The following PAM variants were observed in gnomAD, a reference collection of about 807,000 sequenced individuals.
PAM encodes the protein peptidyl-glycine alpha-amidating monooxygenase.
A neutral mutation model predicts 122.1 loss-of-function variants in PAM; 72 were observed. That is an observed-to-expected ratio of 0.59 (90% CI 0.49 to 0.72). The LOEUF is 0.72. PAM is among the 30% of genes least tolerant of loss of function. The probability of loss-of-function intolerance (pLI) is 0.00; values close to 1 mark genes in which losing one functional copy is unlikely to be tolerated. For synonymous variants in PAM, 389 were observed against 404.4 expected (o/e 0.96, Z 0.46); for missense variants, 1,106 against 1,183.7 (o/e 0.93, Z 0.96).
chr5:102,888,635 A>G (rs554927580), intron 3 of PAM, among the ~76,000 whole-genome samples: 1 of 151,604 alleles, frequency 6.6e-6, no homozygotes, highest in Non-Finnish European at 1.5e-5. Flanking sequence ...ACTTACTCCC[A>G]TCTCAGGGTT....
intron 1 of PAM, among the ~76,000 whole-genome samples, chr5:102,857,350 C>G (rs1442483332): frequency 2.0e-5 from 3 of 152,098 alleles, no homozygotes; most frequent in Non-Finnish European, 4.4e-5. Flanking sequence ...ATTTTTATGG[C>G]TCTTCAAGAG....
intron 14 of PAM, among the ~76,000 whole-genome samples, chr5:102,966,235 AC>A (rs1764047893): frequency 6.6e-6 from 1 of 151,880 alleles, no homozygotes; most frequent in African/African-American, 2.4e-5. Context: ...AATTCTAAAT[AC>A]CCCCCAAGGC....
At chr5:103,024,994 T>C (rs557375858) in intron 23 of PAM, 137 bp from the exon 24 acceptor site, 68 of 615,242 alleles carry the variant, frequency 1.1e-4, no homozygotes, top group Non-Finnish European at 1.8e-4. Flanking sequence ...GATTCAGGTA[T>C]TAAAACATGA....
chr5:102,899,639 CA>C (rs1285697089), intron 3 of PAM, among the ~76,000 whole-genome samples: 3 of 151,650 alleles, frequency 2.0e-5, no homozygotes, highest in Non-Finnish European at 4.4e-5. Context: ...GTATAATGCA[CA>C]GAGTGCATAT....
chr5:102,968,409 A>G (rs1248876416), intron 14 of PAM, among the ~76,000 whole-genome samples: 1 of 152,164 alleles, frequency 6.6e-6, no homozygotes, highest in African/African-American at 2.4e-5. Context: ...TTGTTTCCTC[A>G]TATAAAATAA....
intron 3 of PAM, chr5:102,896,022 C>G (rs544654305): frequency 6.6e-6 from 1 of 151,832 alleles, no homozygotes; most frequent in South Asian, 2.1e-4. Context: ...CTTCATGTAA[C>G]TCCCGAGTCC....
At chr5:102,989,212 A>G (rs1773205370) in intron 15 of PAM, among the ~76,000 whole-genome samples, 1 of 152,174 alleles carries the variant, frequency 6.6e-6, no homozygotes, top group African/African-American at 2.4e-5. Context: ...AAAGGGATTA[A>G]CACAAGTGAG....
At chr5:102,770,131 T>TA (rs1466029424) in intron 1 of PAM, among the ~76,000 whole-genome samples, 1 of 152,114 alleles carries the variant, frequency 6.6e-6, no homozygotes, top group East Asian at 1.9e-4. Context: ...AATAGGATTT[T>TA]AAAAAATTTC....
intron 1 of PAM, among the ~76,000 whole-genome samples, chr5:102,797,410 C>T (rs1372302113): frequency 5.9e-5 from 9 of 152,098 alleles, no homozygotes; most frequent in Non-Finnish European, 1.3e-4. Context: ...AGAATATAAC[C>T]TCACCCTTTT....
chr5:102,931,109 G>A (rs1751353063), intron 7 of PAM, among the ~76,000 whole-genome samples: 1 of 152,184 alleles, frequency 6.6e-6, no homozygotes, highest in Non-Finnish European at 1.5e-5. Flanking sequence ...GTCAATAAAT[G>A]TTAGCTATTA....
intron 7 of PAM, among the ~76,000 whole-genome samples, chr5:102,931,104 T>C (rs1424223947): frequency 6.6e-6 from 1 of 152,174 alleles, no homozygotes; most frequent in African/African-American, 2.4e-5. Flanking sequence ...AAGTAGTCAA[T>C]AAATGTTAGC....
chr5:102,923,272 A>G (rs1051350566), intron 5 of PAM, among the ~76,000 whole-genome samples: 2 of 152,174 alleles, frequency 1.3e-5, no homozygotes, highest in African/African-American at 2.4e-5. Flanking sequence ...GTCTGAAGCA[A>G]CTTCTTACCA....
At chr5:102,986,131 A>C (rs1771740189) in intron 15 of PAM, among the ~76,000 whole-genome samples, 1 of 152,172 alleles carries the variant, frequency 6.6e-6, no homozygotes, top group South Asian at 2.1e-4. Context: ...TGACATACTG[A>C]ATGGAGAAAA....
At chr5:102,799,920 C>T (rs1297081613) in intron 1 of PAM, among the ~76,000 whole-genome samples, 1 of 152,170 alleles carries the variant, frequency 6.6e-6, no homozygotes, top group Non-Finnish European at 1.5e-5. Context: ...ATTGGTTATC[C>T]ACAACAATGT....
At chr5:102,761,362 G>A (rs1752313518) in intron 1 of PAM, among the ~76,000 whole-genome samples, 1 of 152,164 alleles carries the variant, frequency 6.6e-6, no homozygotes, top group African/African-American at 2.4e-5. Context: ...ACAAGTACTG[G>A]GAAGCAAATG....
At chr5:102,960,857 A>G (rs1275235632) in intron 13 of PAM, among the ~76,000 whole-genome samples, 1 of 150,778 alleles carries the variant, frequency 6.6e-6, no homozygotes. Context: ...AATTTAATTT[A>G]AGAAAACAAA....
At chr5:102,983,172 A>G (rs956716293) in intron 15 of PAM, among the ~76,000 whole-genome samples, 47 of 152,072 alleles carry the variant, frequency 3.1e-4, no homozygotes, top group Non-Finnish European at 5.1e-4. Context: ...AAGGCCAGGC[A>G]TGGTGGCTTA....
chr5:102,814,877 C>T (rs1769231462), intron 1 of PAM, among the ~76,000 whole-genome samples: 1 of 151,928 alleles, frequency 6.6e-6, no homozygotes, highest in Non-Finnish European at 1.5e-5. Context: ...ACTCACATAT[C>T]TTTCTTTTGT....
chr5:102,872,479 G>A (rs1429009901), intron 3 of PAM, among the ~76,000 whole-genome samples: 2 of 152,116 alleles, frequency 1.3e-5, no homozygotes. Context: ...ATTAGAAAAC[G>A]TTAAGTAACG....
Sources: gnomAD v4.1 joint callset for allele counts (sites outside exome capture counted in the v4.1 genomes callset) on GRCh38, gnomAD v4.1.1 for gene constraint, MANE v1.5 for transcripts, NCBI Gene and HGNC (gene_info 2026-07-23, HGNC 2026-07-21) for gene names.